The following SLC2A13 variants were observed in gnomAD, a reference collection of about 807,000 sequenced individuals.
The protein encoded by SLC2A13 is solute carrier family 2 member 13.
In SLC2A13, 32 loss-of-function variants were observed where a neutral mutation model predicts 64.4. That is an observed-to-expected ratio of 0.50 (90% CI 0.37 to 0.67). SLC2A13 has a LOEUF of 0.67. SLC2A13 is among the 30% of genes least tolerant of loss of function. The probability of loss-of-function intolerance (pLI) is 0.00; values close to 1 mark genes in which losing one functional copy is unlikely to be tolerated. For missense variants in SLC2A13, 743 were observed against 829.2 expected (o/e 0.90, Z 1.28); for synonymous variants, 338 against 327.1 (o/e 1.03, Z -0.36).
intron 7 of SLC2A13, among the ~76,000 whole-genome samples, chr12:39,814,377 A>C (rs374757738): frequency 3.3e-4 from 50 of 152,194 alleles, no homozygotes; most frequent in African/African-American, 1.1e-3. Context: ...CCAAATAGAG[A>C]GTAAAGAGAA....
intron 1 of SLC2A13, among the ~76,000 whole-genome samples, chr12:40,089,557 T>G (rs1938693096): frequency 1.3e-5 from 2 of 152,136 alleles, no homozygotes; most frequent in South Asian, 4.1e-4. Context: ...AGTCAGGCTC[T>G]GAATACAAGG....
At chr12:39,942,808 G>A (rs1946059055) in intron 4 of SLC2A13, among the ~76,000 whole-genome samples, 1 of 152,128 alleles carries the variant, frequency 6.6e-6, no homozygotes. Flanking sequence ...TGCTGGTGAG[G>A]AGTTGTGATC....
intron 3 of SLC2A13, among the ~76,000 whole-genome samples, chr12:39,988,350 C>T (rs1320845311): frequency 1.3e-5 from 2 of 151,614 alleles, no homozygotes; most frequent in African/African-American, 2.4e-5. Flanking sequence ...AAAATTATTG[C>T]ATTGTTTTAA....
At chr12:40,002,228 T>G (rs1947331626) in intron 3 of SLC2A13, among the ~76,000 whole-genome samples, 1 of 152,266 alleles carries the variant, frequency 6.6e-6, no homozygotes, top group Non-Finnish European at 1.5e-5. Context: ...ACTGCCTCAC[T>G]CAGTCCTCAT....
chr12:40,072,443 G>T (rs1463940930), intron 1 of SLC2A13, among the ~76,000 whole-genome samples: 1 of 152,064 alleles, frequency 6.6e-6, no homozygotes, highest in Admixed American at 6.6e-5. Context: ...TGTCTGTACT[G>T]ATTTTCTGCC....
intron 1 of SLC2A13, among the ~76,000 whole-genome samples, chr12:40,084,148 G>T (rs1347671578): frequency 6.6e-6 from 1 of 152,174 alleles, no homozygotes; most frequent in Non-Finnish European, 1.5e-5. Flanking sequence ...GTACACATCT[G>T]GCAGGGTAAC....
intron 1 of SLC2A13, chr12:40,068,345 G>T: frequency 2.5e-6 from 1 of 394,540 alleles, no homozygotes; most frequent in Non-Finnish European, 5.1e-6. Context: ...CACATGCTGT[G>T]CCCAGTCCAG....
intron 1 of SLC2A13, among the ~76,000 whole-genome samples, chr12:40,097,953 C>A (rs1210132169): frequency 1.3e-5 from 2 of 151,744 alleles, no homozygotes; most frequent in African/African-American, 2.4e-5. Flanking sequence ...TCCACAACAG[C>A]CAAGAGGGAG....
chr12:39,823,654 G>T (rs368112933), intron 7 of SLC2A13, among the ~76,000 whole-genome samples: 1 of 152,026 alleles, frequency 6.6e-6, no homozygotes, highest in Non-Finnish European at 1.5e-5. Context: ...CTGCTATGTT[G>T]CCCAGGCTGG....
At chr12:40,063,822 C>A (rs12424040) in intron 1 of SLC2A13, among the ~76,000 whole-genome samples, 4,320 of 152,228 alleles carry the variant, frequency 0.028, 177 homozygotes, top group Admixed American at 0.11. Flanking sequence ...ATCTCATTAA[C>A]TATTTTTTAC....
chr12:39,961,852 G>A (rs555101391), intron 3 of SLC2A13, among the ~76,000 whole-genome samples: 40 of 151,676 alleles, frequency 2.6e-4, no homozygotes, highest in African/African-American at 9.4e-4. Context: ...AAGCTGGAAA[G>A]CTGCGGCACA....
chr12:40,105,252 C>A lies in SLC2A13; in HGVS notation c.556+1G>T, dbSNP rs755506644. 5 of 1,586,622 alleles carry A rather than the reference C, an allele frequency of 3.2e-6. No individual in the cohort carries two copies. The highest frequency in any genetic ancestry group is 4.3e-6 in the Non-Finnish European group (5 of 1,169,352). On this transcript the variant is annotated splice_donor_variant, in intron 1 of 9. Coordinates refer to ENST00000280871, the MANE Select transcript of SLC2A13 (RefSeq NM_052885.4). LOFTEE classifies it high-confidence loss of function. This position sits in a 1 kb window ranked among gnomAD's most constrained non-coding sequence, Gnocchi z 4.2. ...GCGCCCTTCACGGAGCCCGAACTCA[C>A]CGATGCCGAGTCCCACGACCAGGCG...
At chr12:39,827,298 T>C (rs897030888) in intron 7 of SLC2A13, among the ~76,000 whole-genome samples, 1 of 152,168 alleles carries the variant, frequency 6.6e-6, no homozygotes, top group African/African-American at 2.4e-5. Context: ...TGCTTTTTCA[T>C]GTGTACCATT....
intron 3 of SLC2A13, among the ~76,000 whole-genome samples, chr12:39,963,973 G>C (rs150619471): frequency 6.6e-6 from 1 of 152,228 alleles, no homozygotes; most frequent in Admixed American, 6.5e-5. Flanking sequence ...TTGGGGCAGA[G>C]TATCTTTTAA....
At chr12:39,829,176 A>T (rs1010864032) in intron 7 of SLC2A13, among the ~76,000 whole-genome samples, 3 of 152,026 alleles carry the variant, frequency 2.0e-5, no homozygotes, top group Non-Finnish European at 4.4e-5. Context: ...TATAAATGTT[A>T]GTTCATAAAT....
Position 39,778,665 on chromosome 12 carries a change from A to G in SLC2A13, c.1446-13807T>C, listed in dbSNP as rs141650800. On this transcript the variant is annotated intron_variant, in intron 7 of 9. Coordinates refer to ENST00000280871, the MANE Select transcript of SLC2A13 (RefSeq NM_052885.4). ...AGTGGCAACCAGTAAAATAGACTCT[A>G]TTGAACTCATTGTCTTTTCGTCATT... 2.9e-4 allele frequency among the ~76,000 whole-genome samples: 44 copies of G among 152,332 alleles called. No homozygotes were observed. The East Asian group carries it at 6.7e-3, about 23-fold the overall frequency.
At chr12:39,847,038 T>A (rs117057532) in intron 6 of SLC2A13, among the ~76,000 whole-genome samples, 2,104 of 152,302 alleles carry the variant, frequency 0.014, 24 homozygotes, top group Non-Finnish European at 0.019. Flanking sequence ...GAGATATTAA[T>A]GATTCCTTTT....
chr12:39,960,114 G>A (rs1215460385), intron 3 of SLC2A13, among the ~76,000 whole-genome samples: 2 of 151,914 alleles, frequency 1.3e-5, no homozygotes, highest in African/African-American at 4.8e-5. Context: ...TCTTTATTGG[G>A]GTCTGCTAAA....
At chr12:40,017,886 C>T (rs778115955) in intron 3 of SLC2A13, among the ~76,000 whole-genome samples, 3 of 150,840 alleles carry the variant, frequency 2.0e-5, no homozygotes, top group African/African-American at 4.9e-5. Flanking sequence ...CACACTTACA[C>T]GTGGACACAA....
Sources: gnomAD v4.1 joint callset for allele counts (sites outside exome capture counted in the v4.1 genomes callset) on GRCh38, gnomAD v4.1.1 for gene constraint, Gnocchi (gnomAD v3.1) non-coding constraint, MANE v1.5 for transcripts, NCBI Gene and HGNC (gene_info 2026-07-23, HGNC 2026-07-21) for gene names.